CAMTA1: variants seen among roughly 807,000 people sequenced by gnomAD.
CAMTA1 encodes the protein calmodulin binding transcription activator 1, also known as calmodulin-binding transcription activator 1.
CAMTA1 carries 27 observed loss-of-function variants against 170.9 expected under a neutral mutation model. The observed-to-expected ratio is 0.16, with a 90% CI of 0.12 to 0.22. The LOEUF (loss-of-function observed/expected upper bound fraction) is 0.22, where lower values mean the gene tolerates loss of function less well. Among genes scored for constraint, CAMTA1 ranks in the 10% least tolerant of loss-of-function variants. The pLI is 1.00. For missense variants in CAMTA1, 1,619 were observed against 2,217.2 expected, an observed-to-expected ratio of 0.73 and a Z score of 5.42; for synonymous variants, 833 against 891.5, an observed-to-expected ratio of 0.93 and a Z score of 1.17.
intron 6 of CAMTA1, among the ~76,000 whole-genome samples, chr1:7,599,356 T>C (rs1022917117): frequency 2.0e-5 from 3 of 152,196 alleles, no homozygotes; most frequent in Non-Finnish European, 4.4e-5. Context: ...TGTAGTATAG[T>C]TTAAAGTCAG....
chr1:7,622,374 C>A (rs74053114), intron 6 of CAMTA1, among the ~76,000 whole-genome samples: 3 of 152,230 alleles, frequency 2.0e-5, no homozygotes, highest in Non-Finnish European at 2.9e-5. Context: ...TGATTCCACT[C>A]CACATCCAAG....
intron 1 of CAMTA1, among the ~76,000 whole-genome samples, chr1:6,797,093 A>G (rs1642705261): frequency 6.6e-6 from 1 of 152,104 alleles, no homozygotes. Context: ...TTTTTCTGAG[A>G]CAGTCTTGCT....
intron 4 of CAMTA1, among the ~76,000 whole-genome samples, chr1:7,159,642 C>T (rs776414242): frequency 2.0e-5 from 3 of 152,142 alleles, no homozygotes; most frequent in Non-Finnish European, 4.4e-5. Context: ...CTCCTGGGCT[C>T]GAGCAATCCT....
In CAMTA1 at chr1:7,633,426, G is replaced by A. The variant is rs1427817270; in HGVS notation, c.511-6974G>A. 6.6e-6 allele frequency among the ~76,000 whole-genome samples: 1 copy of A among 152,152 alleles called. No individual in the cohort carries two copies. The highest frequency in any genetic ancestry group is 1.5e-5 in the Non-Finnish European group (1 of 68,016). ...GACCCCCCCAGATGCCACCCCTCCT[G>A]GGCCCCTTCTGGGGGAGTGGACCCC... On this transcript the variant is annotated intron_variant, in intron 6 of 22. Coordinates refer to ENST00000303635, the MANE Select transcript of CAMTA1 (RefSeq NM_015215.4). This position sits in a 1 kb window ranked among gnomAD's most constrained non-coding sequence, Gnocchi z 4.1.
In CAMTA1 at chr1:7,543,558, C is replaced by A. The variant is rs533062780; in HGVS notation, c.510+75657C>A. Among the ~76,000 whole-genome samples the A allele has an allele frequency of 5.3e-5, 8 of 152,234 alleles. No individual in the cohort carries two copies. The South Asian group carries it at 1.7e-3, about 32-fold the overall frequency. On this transcript the variant is annotated intron_variant, in intron 6 of 22. Coordinates refer to ENST00000303635, the MANE Select transcript of CAMTA1 (RefSeq NM_015215.4). ...TCCATTTACAAAATATAGCAGTTCCCGAACGCTGAAAATGTCAAATCCTGG... is the reference window on the plus strand; with the variant it reads ...TCCATTTACAAAATATAGCAGTTCCAGAACGCTGAAAATGTCAAATCCTGG...
At chr1:6,998,177 A>G (rs967880960) in intron 3 of CAMTA1, among the ~76,000 whole-genome samples, 3 of 152,014 alleles carry the variant, frequency 2.0e-5, no homozygotes, top group Non-Finnish European at 4.4e-5. Flanking sequence ...TTCTGGGTTC[A>G]AGTGATTCTC....
Position 7,692,899 on chromosome 1 carries a change from A to C in CAMTA1, c.2914+15166A>C, listed in dbSNP as rs187587838. ...CCCAGGGCAGGGGGCACACGGAACA[A>C]CACAATTAATGTGAGGAGTGCTTGA... On this transcript the variant is annotated intron_variant, in intron 11 of 22. Transcript: ENST00000303635. Among the ~76,000 whole-genome samples, 30 of 152,306 alleles carry C rather than the reference A, an allele frequency of 2.0e-4. No individual in the cohort carries two copies. The East Asian group carries it at 5.4e-3, about 27-fold the overall frequency.
chr1:7,747,638 G>A, intron 18 of CAMTA1, 72 bp from the exon 19 acceptor site: 1 of 974,292 alleles, frequency 1.0e-6, no homozygotes, highest in Non-Finnish European at 1.6e-6. Flanking sequence ...CATTAAATGA[G>A]TAGTAATAAA....
rs192496675 is a variant in CAMTA1, at chr1:7,655,964, G to C, written c.665-5762G>C. 1.3e-4 allele frequency among the ~76,000 whole-genome samples: 20 copies of C among 152,298 alleles called. No homozygotes were observed. The East Asian group carries it at 3.9e-3, about 29-fold the overall frequency. On this transcript the variant is annotated intron_variant, in intron 7 of 22. Transcript: ENST00000303635. ...ATTCCCAGTGCAACTGTGTCTGGAG[G>C]TGGGGCCCCATGGGAGGGATTAAAC...
chr1:6,954,719 G>A (rs1270428335), intron 3 of CAMTA1, among the ~76,000 whole-genome samples: 1 of 152,164 alleles, frequency 6.6e-6, no homozygotes, highest in Non-Finnish European at 1.5e-5. Flanking sequence ...CAAGGACCGC[G>A]AGTGCCTTTG....
chr1:7,678,407 A>G (rs1419879078), intron 11 of CAMTA1, among the ~76,000 whole-genome samples: 1 of 152,232 alleles, frequency 6.6e-6, no homozygotes, highest in East Asian at 1.9e-4. Context: ...GTGGGCTTCA[A>G]GGGAGCAGGC....
intron 5 of CAMTA1, among the ~76,000 whole-genome samples, chr1:7,453,934 G>A (rs148212625): frequency 9.2e-5 from 14 of 152,342 alleles, no homozygotes; most frequent in East Asian, 5.8e-4. Context: ...TGCAGCAGGC[G>A]TGTTGGGTTA....
intron 3 of CAMTA1, among the ~76,000 whole-genome samples, chr1:6,869,820 A>G (rs1031159016): frequency 2.6e-5 from 4 of 152,094 alleles, no homozygotes; most frequent in South Asian, 2.1e-4. Context: ...ACTCAGAGCA[A>G]TTCCTGCCTG....
At chr1:7,498,067 T>G (rs1341967045) in intron 6 of CAMTA1, among the ~76,000 whole-genome samples, 10 of 139,256 alleles carry the variant, frequency 7.2e-5, no homozygotes, top group South Asian at 2.4e-4. Flanking sequence ...GGGGTGAGAG[T>G]GGGGAAGGGG....
At chr1:6,818,278 A>G (rs1336127723) in intron 1 of CAMTA1, among the ~76,000 whole-genome samples, 2 of 152,216 alleles carry the variant, frequency 1.3e-5, no homozygotes, top group Non-Finnish European at 2.9e-5. Context: ...CAGAGGTTGC[A>G]CTGAGCTGAG....
At position 7,224,625 on chromosome 1, in the gene CAMTA1, C is replaced by T. The variant is rs1056291258; in HGVS notation, c.303-24866C>T. Reference sequence around the variant, plus strand: ...CTCATGAATTCCGTCCCTGCTCAAGCGGGGTCCCAGGTTGGAGGCGTGACA... The same window carrying T: ...CTCATGAATTCCGTCCCTGCTCAAGTGGGGTCCCAGGTTGGAGGCGTGACA... On this transcript the variant is annotated intron_variant, in intron 4 of 22. Transcript: ENST00000303635. The surrounding 1 kb of genome is among the most constrained non-coding windows in gnomAD (Gnocchi z 5.2). Among the ~76,000 whole-genome samples the T allele has an allele frequency of 5.9e-5, 9 of 152,190 alleles. No homozygotes were observed. The highest frequency in any genetic ancestry group is 1.9e-4 in the East Asian group (1 of 5,194).
At position 7,664,499 on chromosome 1, in the gene CAMTA1, C is replaced by T. The variant is rs2095985671; in HGVS notation, c.1952C>T (p.Ala651Val). ...GTGATGCCCACGGTGAAAACGGAGG[C>T]CTCGTCCCAAACCAGCTCCTGCAGC... ...TFVMPTVKTE[A>V]SSQTSSCSGH... Residue 651 changes from alanine (A) to valine (V), a missense_variant, in exon 9 of 23, where the codon GCC (alanine) becomes GTC (valine). Physicochemically the swap from Ala to Val is moderately conservative, Grantham distance 64 (BLOSUM62 0). Around this residue, in one of 8 missense-constraint regions of CAMTA1, gnomAD observed 731 missense variants for 907.6 expected, o/e 0.81. Transcript: ENST00000303635. The T allele has an allele frequency of 1.2e-6, 2 of 1,613,174 alleles. No homozygotes were observed. The highest frequency in any genetic ancestry group is 8.5e-7 in the Non-Finnish European group (1 of 1,180,048).
intron 11 of CAMTA1, among the ~76,000 whole-genome samples, chr1:7,703,324 G>C (rs1330511107): frequency 1.3e-5 from 2 of 152,166 alleles, no homozygotes; most frequent in East Asian, 3.9e-4. Flanking sequence ...GCGAGGGGTA[G>C]ACAGGTGCAG....
At chr1:7,350,838 C>T (rs1574858091) in intron 5 of CAMTA1, among the ~76,000 whole-genome samples, 2 of 152,186 alleles carry the variant, frequency 1.3e-5, no homozygotes, top group Admixed American at 1.3e-4. Flanking sequence ...GGTCTCTGTC[C>T]CTCCACATTC....
Sources: gnomAD v4.1 joint callset for allele counts (sites outside exome capture counted in the v4.1 genomes callset) on GRCh38, gnomAD v4.1.1 for gene constraint, gnomAD v4.1.1 regional missense constraint, Gnocchi (gnomAD v3.1) non-coding constraint, MANE v1.5 for transcripts, NCBI Gene and HGNC (gene_info 2026-07-23, HGNC 2026-07-21) for gene names.